Variants in BCR observed in about 807,000 individuals in gnomAD.
BCR encodes breakpoint cluster region protein.
In BCR, 58 loss-of-function variants were observed where a neutral mutation model predicts 138.6. That is an observed-to-expected ratio of 0.42 (90% CI 0.34 to 0.52). The LOEUF (loss-of-function observed/expected upper bound fraction) is 0.52, where lower values mean the gene tolerates loss of function less well. BCR is among the 20% of genes least tolerant of loss of function. BCR has a pLI of 0.06. For synonymous variants in BCR, 786 were observed against 730.1 expected, an observed-to-expected ratio of 1.08 and a Z score of -1.23; for missense variants, 1,599 against 1,727.2, an observed-to-expected ratio of 0.93 and a Z score of 1.32.
intron 5 of BCR, 139 bp downstream of exon 5, chr22:23,268,654 G>A (rs527860803): frequency 1.6e-4 from 127 of 802,086 alleles, no homozygotes; most frequent in Middle Eastern, 4.5e-4. Flanking sequence ...GGTTCGTTGC[G>A]TCAGCCCTGT....
intron 1 of BCR, among the ~76,000 whole-genome samples, chr22:23,250,414 A>G (rs903196491): frequency 6.6e-6 from 1 of 152,180 alleles, no homozygotes; most frequent in East Asian, 1.9e-4. Context: ...TCGCAGCCTG[A>G]AGCTGTGGTT....
intron 1 of BCR, among the ~76,000 whole-genome samples, chr22:23,223,079 A>C (rs2072845208): frequency 6.6e-6 from 1 of 152,176 alleles, no homozygotes; most frequent in Non-Finnish European, 1.5e-5. Flanking sequence ...TTCATTCATG[A>C]GGGTTCCACC....
At chr22:23,264,513 A>C in intron 4 of BCR, 3 of 529,590 alleles carry the variant, frequency 5.7e-6, no homozygotes, top group East Asian at 3.2e-5. Flanking sequence ...GAGGCTTCTG[A>C]CTCCTGGAGC....
intron 1 of BCR, among the ~76,000 whole-genome samples, chr22:23,182,897 T>C (rs2146191525): frequency 6.6e-6 from 1 of 152,264 alleles, no homozygotes; most frequent in African/African-American, 2.4e-5. Flanking sequence ...GGAGATTTTA[T>C]CTGGGGGTGA....
At chr22:23,253,769 C>T in intron 1 of BCR, 30 bp from the exon 2 acceptor site, 1 of 1,592,156 alleles carries the variant, frequency 6.3e-7, no homozygotes, top group Non-Finnish European at 8.6e-7. Flanking sequence ...TTCTCTGTCT[C>T]TAACACAGGA....
intron 1 of BCR, among the ~76,000 whole-genome samples, chr22:23,221,716 G>T (rs1047927399): frequency 6.6e-6 from 1 of 152,142 alleles, no homozygotes; most frequent in African/African-American, 2.4e-5. Flanking sequence ...TTGTTTTCCC[G>T]CCAGGCTCAC....
In BCR at chr22:23,212,143, T is replaced by C. The variant is rs141390069; in HGVS notation, c.1279+29904T>C. Reference sequence around the variant, plus strand: ...CCTCTTTCCGTTGCTGGTTTCTTCTTTGTTATCTTTGCTGCTGGAGTGGCC... The same window carrying C: ...CCTCTTTCCGTTGCTGGTTTCTTCTCTGTTATCTTTGCTGCTGGAGTGGCC... On this transcript the variant is annotated intron_variant, in intron 1 of 22. Transcript: ENST00000305877. 4.0e-3 allele frequency among the ~76,000 whole-genome samples: 609 copies of C among 152,248 alleles called. 6 individuals are homozygous for C. The highest frequency in any genetic ancestry group is 0.014 in the Middle Eastern group (4 of 294).
intron 1 of BCR, chr22:23,251,332 A>G (rs2073226271): frequency 6.6e-6 from 1 of 152,262 alleles, no homozygotes; most frequent in Admixed American, 6.5e-5. Context: ...AAGCCCCTAT[A>G]GCTTCGGATT....
In BCR at chr22:23,181,808, A is replaced by C. The variant is rs2072268759; in HGVS notation, c.848A>C (p.Tyr283Ser). The C allele has an allele frequency of 6.2e-7, 1 of 1,610,250 alleles. No individual in the cohort carries two copies. Among genetic ancestry groups the C allele is most frequent in the Non-Finnish European group, 8.5e-7 (1 of 1,179,914 alleles). ...GAGTACCAGCCCTACCAGAGCATCT[A>C]CGTCGGGGGCATGATGGAAGGGGAG... ...PLEYQPYQSI[Y>S]VGGMMEGEGK... Residue 283 changes from tyrosine (Y) to serine (S), a missense_variant, in exon 1 of 23, where the codon TAC becomes TCC. By Grantham distance (144) the Tyr-to-Ser change is moderately radical (BLOSUM62 -2). This residue lies in a region of BCR where 806 missense variants were observed against 635.0 expected (regional missense o/e 1.27). Transcript: ENST00000305877.
At chr22:23,223,463 G>A (rs1476647435) in intron 1 of BCR, among the ~76,000 whole-genome samples, 5 of 152,184 alleles carry the variant, frequency 3.3e-5, no homozygotes, top group African/African-American at 1.2e-4. Context: ...AGATGCGGAT[G>A]CTGACTCCCT....
chr22:23,183,348 T>C (rs1475491307), intron 1 of BCR, among the ~76,000 whole-genome samples: 1 of 151,648 alleles, frequency 6.6e-6, no homozygotes, highest in East Asian at 1.9e-4. Flanking sequence ...AGGAGTTGAA[T>C]GTGCTTGGTT....
At chr22:23,262,914 C>T in intron 4 of BCR, 1 of 1,104,850 alleles carries the variant, frequency 9.1e-7, no homozygotes, top group Non-Finnish European at 1.1e-6. Flanking sequence ...GAGGACACGC[C>T]CAAGAGAGGA....
chr22:23,198,226 GT>G (rs1408578283), intron 1 of BCR: 6 of 429,976 alleles, frequency 1.4e-5, no homozygotes, highest in East Asian at 7.5e-5. Context: ...CAGGGAGGAG[GT>G]GGGTGGGGAT....
In BCR at chr22:23,295,049, C is replaced by A; in HGVS notation, c.2906C>A (p.Ser969Tyr). The change falls in exon 16 of 23, where the codon TCC (serine) becomes TAC (tyrosine). Residue 969 changes from serine to tyrosine, a missense_variant. Ser to Tyr is a moderately radical substitution (Grantham distance 144). This residue lies in a region of BCR where 590 missense variants were observed against 762.4 expected (regional missense o/e 0.77). Transcript: ENST00000305877. ...GAATTTGAGATAGAGCTGGAGGGCT[C>A]CCAGACCCTGAGGATACTGTGCTAT... The part of the protein sequence containing the change: ...NEEFEIELEG[S>Y]QTLRILCYEK... 6.2e-7 allele frequency: 1 copy of A among 1,614,124 alleles called. No individual in the cohort carries two copies. Among genetic ancestry groups the A allele is most frequent in the Non-Finnish European group, 8.5e-7 (1 of 1,180,008 alleles).
At chr22:23,258,406 G>C (rs2073320423) in intron 2 of BCR, among the ~76,000 whole-genome samples, 1 of 152,218 alleles carries the variant, frequency 6.6e-6, no homozygotes, top group Non-Finnish European at 1.5e-5. Context: ...CCATGGGGCA[G>C]GCCAGGCCCT....
intron 1 of BCR, among the ~76,000 whole-genome samples, chr22:23,185,855 G>A (rs1287980564): frequency 1.3e-5 from 2 of 151,402 alleles, no homozygotes; most frequent in Non-Finnish European, 2.9e-5. Context: ...CAGCCTCCTG[G>A]GTAGCTGGGA....
chr22:23,290,772 A>C, intron 14 of BCR: 1 of 294,778 alleles, frequency 3.4e-6, no homozygotes, highest in Non-Finnish European at 6.7e-6. Flanking sequence ...GTGCACCTTC[A>C]CCCCACAGCA....
chr22:23,317,099 G>C lies in BCR; in HGVS notation c.*1577G>C, dbSNP rs867312649. Reference sequence around the variant, plus strand: ...TGTCTGGCACCCGCTCCCAAGGTGGGAGGAGTGGGTGTCCCCTGTGTGTCA... The same window carrying C: ...TGTCTGGCACCCGCTCCCAAGGTGGCAGGAGTGGGTGTCCCCTGTGTGTCA... On this transcript the variant is annotated 3_prime_UTR_variant, in exon 23 of 23. Coordinates refer to ENST00000305877, the MANE Select transcript of BCR (RefSeq NM_004327.4). 2.1e-3 allele frequency: 404 copies of C among 190,720 alleles called. 2 individuals carry two copies. Among genetic ancestry groups the C allele is most frequent in the South Asian group, 4.0e-3 (19 of 4,702 alleles). 11.8% of individuals were successfully genotyped at this position (190,720 alleles called of 1,614,324 possible).
chr22:23,208,681 C>T (rs927996369), intron 1 of BCR, among the ~76,000 whole-genome samples: 7 of 152,030 alleles, frequency 4.6e-5, no homozygotes, highest in African/African-American at 1.4e-4. Context: ...GGTGAAACCC[C>T]GTCTCTACTA....
Sources: allele counts gnomAD v4.1 joint callset (sites outside exome capture counted in the v4.1 genomes callset), GRCh38; gene constraint gnomAD v4.1.1; regional missense constraint gnomAD v4.1.1; transcripts MANE v1.5; gene names NCBI Gene and HGNC (gene_info 2026-07-23, HGNC 2026-07-21).